LAMC1: variants seen among roughly 807,000 people sequenced by gnomAD.
LAMC1 encodes laminin subunit gamma 1.
A neutral mutation model predicts 173.6 loss-of-function variants in LAMC1; 38 were observed. That is an observed-to-expected ratio of 0.22 (90% CI 0.17 to 0.29). LAMC1 has a LOEUF of 0.29. Among genes scored for constraint, LAMC1 ranks in the 10% least tolerant of loss-of-function variants. The pLI, the probability that LAMC1 is intolerant of heterozygous loss-of-function variation, is 1.00. For missense variants in LAMC1, 1,824 were observed against 2,051.8 expected (o/e 0.89, Z 2.14); for synonymous variants, 746 against 749.1 (o/e 1.00, Z 0.07).
rs199739386 is a variant in LAMC1, at chr1:183,127,394, T to C, written c.3113T>C (p.Val1038Ala). The C allele has an allele frequency of 6.2e-7, 1 of 1,604,662 alleles. No homozygotes were observed. The highest frequency in any genetic ancestry group is 1.3e-5 in the African/African-American group (1 of 74,604). Residue 1038 changes from valine (V) to alanine (A), a missense_variant, in exon 17 of 28, where the codon GTA becomes GCA. Physicochemically the swap from Val to Ala is moderately conservative, Grantham distance 64. Transcript: ENST00000258341. Reference protein sequence around the residue: ...CQECPACYRLVKDKVADHRVK... With the variant: ...CQECPACYRLAKDKVADHRVK... ...GAATGTCCAGCTTGTTACCGGCTGG[T>C]AAAGGATAAGGTAAGCTGTCAATAG...
At chr1:183,061,478 C>T (rs1263870335) in intron 1 of LAMC1, among the ~76,000 whole-genome samples, 1 of 151,910 alleles carries the variant, frequency 6.6e-6, no homozygotes, top group African/African-American at 2.4e-5. Flanking sequence ...CCTATAGTCT[C>T]ATTATAACAT....
intron 11 of LAMC1, among the ~76,000 whole-genome samples, chr1:183,120,591 G>T (rs1311047683): frequency 6.6e-6 from 1 of 152,182 alleles, no homozygotes; most frequent in Non-Finnish European, 1.5e-5. Flanking sequence ...CACTAGAGTG[G>T]AATGGAGATT....
intron 2 of LAMC1, among the ~76,000 whole-genome samples, chr1:183,106,294 A>T (rs547595871): frequency 1.3e-5 from 2 of 152,352 alleles, no homozygotes; most frequent in African/African-American, 4.8e-5. Flanking sequence ...TAAACACAGA[A>T]ATATGTTTAG....
chr1:183,053,225 A>T (rs1362218027), intron 1 of LAMC1, among the ~76,000 whole-genome samples: 1 of 152,184 alleles, frequency 6.6e-6, no homozygotes, highest in African/African-American at 2.4e-5. Flanking sequence ...TTAATAGATC[A>T]TATTTTCCCC....
intron 1 of LAMC1, among the ~76,000 whole-genome samples, chr1:183,031,193 G>C (rs1243706675): frequency 3.3e-5 from 5 of 152,218 alleles, no homozygotes; most frequent in African/African-American, 1.2e-4. Context: ...TGAAAGGACT[G>C]TAAATGTAGA....
intron 2 of LAMC1, 103 bp downstream of exon 2, chr1:183,103,735 G>A (rs761529514): frequency 5.2e-5 from 51 of 984,030 alleles, no homozygotes; most frequent in Non-Finnish European, 6.7e-5. Flanking sequence ...GAGGTACGGG[G>A]TCAGAGTAGA....
At chr1:183,071,629 G>A (rs1463388685) in intron 1 of LAMC1, among the ~76,000 whole-genome samples, 3 of 152,212 alleles carry the variant, frequency 2.0e-5, no homozygotes, top group Non-Finnish European at 4.4e-5. Flanking sequence ...AAAAGGAGGT[G>A]ATGTTCTGCC....
chr1:183,126,546 C>G (rs1340837858), intron 16 of LAMC1, among the ~76,000 whole-genome samples: 1 of 152,188 alleles, frequency 6.6e-6, no homozygotes, highest in African/African-American at 2.4e-5. Context: ...GATTACTGAG[C>G]TTTCCCACTG....
intron 15 of LAMC1, among the ~76,000 whole-genome samples, chr1:183,125,770 C>A (rs1260754287): frequency 1.3e-5 from 2 of 152,096 alleles, no homozygotes; most frequent in Non-Finnish European, 2.9e-5. Context: ...ACCTGAGCAA[C>A]CTTTTAAAAG....
chr1:183,033,098 T>C (rs781350315), intron 1 of LAMC1, among the ~76,000 whole-genome samples: 1 of 152,228 alleles, frequency 6.6e-6, no homozygotes, highest in Non-Finnish European at 1.5e-5. Flanking sequence ...GTTTTTCATA[T>C]GATTTTTGGC....
chr1:183,129,312 T>G (rs150645439), intron 18 of LAMC1, among the ~76,000 whole-genome samples: 1 of 152,024 alleles, frequency 6.6e-6, no homozygotes, highest in Non-Finnish European at 1.5e-5. Flanking sequence ...ATGGTCTCGA[T>G]CTCCTGACCT....
Position 183,130,487 on chromosome 1 carries a change from G to C in LAMC1, c.3424G>C (p.Glu1142Gln), listed in dbSNP as rs766552558. The C allele has an allele frequency of 5.6e-6, 9 of 1,614,218 alleles. No individual in the cohort carries two copies. In the South Asian group the frequency reaches 9.9e-5, roughly 18 times the overall value. The change falls in exon 19 of 28, where the codon GAG becomes CAG. Residue 1142 changes from glutamate (E) to glutamine (Q), a missense_variant. Transcript: ENST00000258341. ...AGCGCGTGCCCATGTAGAGAACACA[G>C]AGCGGTTGATTGAAATCGCATCCAG... ...EQARAHVENT[E>Q]RLIEIASREL...
In LAMC1 at chr1:183,126,216, G is replaced by A. The variant is rs937547349; in HGVS notation, c.2898G>A (p.Glu966=). ...CCGGCATCACTGGTCAGCACTGTGA[G>A]CGCTGTGAGGTCAACCACTTTGGGT... ...CQPGITGQHC[E]RCEVNHFGFG... Residue 966 remains glutamate, a synonymous_variant, in exon 16 of 28, where the codon GAG becomes GAA. Transcript: ENST00000258341. 4.3e-6 allele frequency: 7 copies of A among 1,614,092 alleles called. No homozygotes were observed. In the African/African-American group the frequency reaches 9.3e-5, roughly 22 times the overall value.
At chr1:183,134,971 G>A in intron 23 of LAMC1, 71 bp from the exon 24 acceptor site, 4 of 1,412,718 alleles carry the variant, frequency 2.8e-6, no homozygotes, top group Non-Finnish European at 4.0e-6. Flanking sequence ...CCTCTGGAGA[G>A]CCTTGTCTGT....
At chr1:183,083,865 T>G (rs1408543595) in intron 1 of LAMC1, among the ~76,000 whole-genome samples, 1 of 152,186 alleles carries the variant, frequency 6.6e-6, no homozygotes, top group African/African-American at 2.4e-5. Flanking sequence ...TATATTATAT[T>G]AATTTTCATG....
In LAMC1 at chr1:183,133,506, G is replaced by A; in HGVS notation, c.3805G>A (p.Ala1269Thr). The A allele has an allele frequency of 6.2e-7, 1 of 1,613,900 alleles. No individual in the cohort carries two copies. Among genetic ancestry groups the A allele is most frequent in the Non-Finnish European group, 8.5e-7 (1 of 1,179,846 alleles). ...CGGTGACAAAGCTGTGGAGATCTAT[G>A]CCAGCGTGGCTCAGCTGAGCCCTTT... ...RAGDKAVEIYASVAQLSPLDS... is the reference protein window; with the variant it reads ...RAGDKAVEIYTSVAQLSPLDS... Residue 1269 changes from alanine (A) to threonine (T), a missense_variant, in exon 22 of 28, where the codon GCC (alanine) becomes ACC (threonine). Transcript: ENST00000258341.
At chr1:183,035,233 G>C (rs1271655939) in intron 1 of LAMC1, among the ~76,000 whole-genome samples, 2 of 152,164 alleles carry the variant, frequency 1.3e-5, no homozygotes, top group Non-Finnish European at 2.9e-5. Context: ...CTGTCATCCA[G>C]GTTGGGGTGC....
intron 1 of LAMC1, among the ~76,000 whole-genome samples, chr1:183,096,271 A>C (rs7525917): frequency 2.8e-4 from 42 of 151,972 alleles, no homozygotes. Flanking sequence ...GAGATTACGG[A>C]TTTATCTTCT....
intron 1 of LAMC1, among the ~76,000 whole-genome samples, chr1:183,036,159 C>T (rs1283199160): frequency 2.0e-5 from 3 of 149,686 alleles, no homozygotes; most frequent in East Asian, 2.0e-4. Flanking sequence ...AGTACAATGG[C>T]GCAATCTTGG....
Sources: gnomAD v4.1 joint callset for allele counts (sites outside exome capture counted in the v4.1 genomes callset) on GRCh38, gnomAD v4.1.1 for gene constraint, MANE v1.5 for transcripts, NCBI Gene and HGNC (gene_info 2026-07-23, HGNC 2026-07-21) for gene names.